Variants in MTAP observed in about 807,000 individuals in gnomAD.
MTAP encodes the protein methylthioadenosine phosphorylase.
Under a neutral mutation model 33.6 loss-of-function variants are expected in MTAP, and 33 were observed. The observed-to-expected ratio is 0.98, with a 90% CI of 0.74 to 1.31. The LOEUF (loss-of-function observed/expected upper bound fraction) is 1.31. MTAP is among the 40% of genes most tolerant of loss of function. MTAP has a pLI of 0.00. For synonymous variants in MTAP, 148 were observed against 125.7 expected (o/e 1.18, Z -1.19); for missense variants, 367 against 360.0 (o/e 1.02, Z -0.16).
downstream of MTAP, chr9:21,936,052 T>C (rs542432427): frequency 6.6e-6 from 1 of 152,332 alleles, no homozygotes; most frequent in Non-Finnish European, 1.5e-5. Flanking sequence ...TGTTTTTATT[T>C]CCGAAGGCGA....
chr9:21,896,965 G>A (rs747234074), intron 1 of MTAP, among the ~76,000 whole-genome samples: 9 of 152,094 alleles, frequency 5.9e-5, no homozygotes, highest in Non-Finnish European at 1.3e-4. Flanking sequence ...GATGAACATC[G>A]ATGCCAAAAT....
At chr9:21,837,386 C>A (rs1373171956) in intron 4 of MTAP, among the ~76,000 whole-genome samples, 1 of 152,136 alleles carries the variant, frequency 6.6e-6, no homozygotes, top group Non-Finnish European at 1.5e-5. Context: ...AACAAAGCAA[C>A]TGTTTAAAAA....
chr9:21,813,415 G>C (rs1167001799), intron 1 of MTAP, among the ~76,000 whole-genome samples: 1 of 152,206 alleles, frequency 6.6e-6, no homozygotes, highest in South Asian at 2.1e-4. Flanking sequence ...CAGCTACCTG[G>C]TGCAGAGTCA....
chr9:21,823,230 T>C (rs1289135817), intron 4 of MTAP, among the ~76,000 whole-genome samples: 1 of 152,178 alleles, frequency 6.6e-6, no homozygotes, highest in East Asian at 1.9e-4. Context: ...GCATCGATGG[T>C]CTTTATATTT....
At chr9:21,827,661 C>G (rs915493787) in intron 4 of MTAP, among the ~76,000 whole-genome samples, 1 of 152,220 alleles carries the variant, frequency 6.6e-6, no homozygotes, top group Non-Finnish European at 1.5e-5. Flanking sequence ...TCACTTTCTG[C>G]CCAGTTTGCA....
intron 1 of MTAP, among the ~76,000 whole-genome samples, chr9:21,915,000 T>C (rs777979247): frequency 0.018 from 1,525 of 83,442 alleles, 117 homozygotes; most frequent in East Asian, 0.079. Flanking sequence ...CTTTGTTTTC[T>C]TTCCTTCCTT....
intron 5 of MTAP, among the ~76,000 whole-genome samples, chr9:21,839,625 G>A (rs970379307): frequency 3.3e-5 from 5 of 152,130 alleles, no homozygotes; most frequent in African/African-American, 7.2e-5. Flanking sequence ...TTAAGAAAAT[G>A]GCAAAATAAG....
intron 1 of MTAP, chr9:21,803,082 C>G (rs1289279664): frequency 1.1e-5 from 8 of 709,120 alleles, no homozygotes; most frequent in Non-Finnish European, 1.5e-5. Flanking sequence ...GGCGTAGGCA[C>G]CCCTTTAGAG....
chr9:21,876,391 T>A (rs1177723511), intron 1 of MTAP, among the ~76,000 whole-genome samples: 1 of 152,202 alleles, frequency 6.6e-6, no homozygotes, highest in Non-Finnish European at 1.5e-5. Flanking sequence ...CCCTTGTCAA[T>A]TTTTGCTTTT....
chr9:21,856,252 A>ATTG (rs1825640351), intron 6 of MTAP: 1 of 823,328 alleles, frequency 1.2e-6, no homozygotes, highest in South Asian at 5.5e-5. Flanking sequence ...GAGGCCTAAT[A>ATTG]TTGTACCACC....
chr9:21,815,472 A>G lies in MTAP; in HGVS notation c.73A>G (p.Ile25Val). ...TGGAACAGGCCTGGATGATCCAGAAATTTTAGAAGGAAGAACTGAAAAATA... is the reference window on the plus strand; with the variant it reads ...TGGAACAGGCCTGGATGATCCAGAAGTTTTAGAAGGAAGAACTGAAAAATA... ...IGGTGLDDPE[I>V]LEGRTEKYVD... is the part of the protein sequence containing the mutation. The change falls in exon 2 of 8, where the codon ATT (isoleucine) becomes GTT (valine). Residue 25 changes from isoleucine to valine, a missense_variant. By Grantham distance (29) the Ile-to-Val change is conservative (BLOSUM62 3). Transcript: ENST00000644715. 1 of 1,612,240 alleles carries G rather than the reference A, an allele frequency of 6.2e-7. No individual in the cohort carries two copies. The highest frequency in any genetic ancestry group is 8.5e-7 in the Non-Finnish European group (1 of 1,179,086).
intron 1 of MTAP, among the ~76,000 whole-genome samples, chr9:21,914,971 A>C (rs1006060914): frequency 1.3e-5 from 2 of 151,206 alleles, no homozygotes. Flanking sequence ...GTACATCCAT[A>C]GTGTAGCACA....
intron 1 of MTAP, among the ~76,000 whole-genome samples, chr9:21,886,883 A>G (rs1818120012): frequency 6.6e-6 from 1 of 151,994 alleles, no homozygotes; most frequent in South Asian, 2.1e-4. Flanking sequence ...ATACCTTCAG[A>G]TTTGTTCTTT....
chr9:21,914,837 G>A (rs28393374), intron 1 of MTAP, among the ~76,000 whole-genome samples: 25,030 of 149,270 alleles, frequency 0.17, 3,689 homozygotes, highest in African/African-American at 0.39. Context: ...AGATAATATG[G>A]TAAATAAAAT....
intron 4 of MTAP, among the ~76,000 whole-genome samples, chr9:21,837,564 A>G (rs368079181): frequency 5.3e-5 from 8 of 152,204 alleles, no homozygotes; most frequent in African/African-American, 1.9e-4. Flanking sequence ...CACGTCTGTG[A>G]TGATGAAACA....
chr9:21,840,771 G>A (rs1028638307), intron 5 of MTAP, among the ~76,000 whole-genome samples: 24 of 152,182 alleles, frequency 1.6e-4, no homozygotes, highest in South Asian at 6.2e-4. Flanking sequence ...AGGGACTAAT[G>A]GGAGCCGCAG....
rs753415134 is a variant in MTAP at position 21,818,069 on chromosome 9, G to A, written c.214G>A (p.Val72Ile). Residue 72 changes from valine (V) to isoleucine (I), a missense_variant, in exon 4 of 8, where the codon GTC (valine) becomes ATC (isoleucine). Coordinates refer to ENST00000644715, the MANE Select transcript of MTAP (RefSeq NM_002451.4). ...GCAGCACACCATCATGCCTTCAAAG[G>A]TCAACTACCAGGCGAACATCTGGGC... Reference protein sequence around the residue: ...GRQHTIMPSKVNYQANIWALK... With the variant: ...GRQHTIMPSKINYQANIWALK... The A allele has an allele frequency of 1.1e-5, 17 of 1,613,316 alleles. No individual in the cohort carries two copies. Among genetic ancestry groups the A allele is most frequent in the Non-Finnish European group, 1.4e-5 (16 of 1,179,802 alleles).
intron 4 of MTAP, among the ~76,000 whole-genome samples, chr9:21,823,878 C>G (rs1463175833): frequency 1.3e-5 from 2 of 152,186 alleles, no homozygotes; most frequent in African/African-American, 4.8e-5. Flanking sequence ...CACTGATACC[C>G]TTTCTTCCAG....
At position 21,931,171 on chromosome 9, in the gene MTAP, C is replaced by T. The variant is rs776984572; in HGVS notation, c.311C>T (p.Pro104Leu). The change falls in exon 2 of 2, where the codon CCC (proline) becomes CTC (leucine). Residue 104 changes from proline (P) to leucine (L), a missense_variant. Transcript: ENST00000577563. ...CTGGCTGGATACTGCTTCCAACAAC[C>T]CATGCAGCCACCCTGCCCTGACAGC... 3.7e-5 allele frequency: 28 copies of T among 746,834 alleles called. No individual in the cohort carries two copies. In the African/African-American group the frequency reaches 4.4e-4, roughly 12 times the overall value. The allele number at this position is 746,834 out of a possible 1,614,324, so 46.3% of individuals were successfully genotyped here. A position where few individuals can be genotyped will look rare whatever the true frequency, so the allele number is the denominator to read the frequency against.
Sources: gnomAD v4.1 joint callset for allele counts (sites outside exome capture counted in the v4.1 genomes callset) on GRCh38, gnomAD v4.1.1 for gene constraint, MANE v1.5 for transcripts, NCBI Gene and HGNC (gene_info 2026-07-23, HGNC 2026-07-21) for gene names.